MAGI1: variants seen among roughly 807,000 people sequenced by gnomAD.
MAGI1 encodes the protein membrane-associated guanylate kinase, WW and PDZ domain-containing protein 1.
In MAGI1, 58 loss-of-function variants were observed where a neutral mutation model predicts 139.9. The observed-to-expected ratio is 0.41, with a 90% CI of 0.34 to 0.52. MAGI1 has a LOEUF of 0.52. Ranked by LOEUF, MAGI1 falls within the 20% of genes least tolerant of loss-of-function variation. The probability of loss-of-function intolerance (pLI) is 0.12; values close to 1 mark genes in which losing one functional copy is unlikely to be tolerated. For synonymous variants in MAGI1, 812 were observed against 737.9 expected, an observed-to-expected ratio of 1.10 and a Z score of -1.63; for missense variants, 1,874 against 1,901.6, an observed-to-expected ratio of 0.99 and a Z score of 0.27.
intron 2 of MAGI1, among the ~76,000 whole-genome samples, chr3:65,525,406 AACTG>A (rs2078336911): frequency 6.6e-6 from 1 of 152,226 alleles, no homozygotes; most frequent in Non-Finnish European, 1.5e-5. Flanking sequence ...GCAGAGAAAC[AACTG>A]ACTAACCTTT....
intron 1 of MAGI1, among the ~76,000 whole-genome samples, chr3:65,712,794 A>G (rs1191502672): frequency 1.3e-5 from 2 of 152,266 alleles, no homozygotes; most frequent in African/African-American, 2.4e-5. Flanking sequence ...TCAAGTCACT[A>G]TGTTTTGGGG....
At position 65,454,555 on chromosome 3, in the gene MAGI1, T is replaced by TAAA. The variant is rs1206097405; in HGVS notation, c.960-1218_960-1216dup. 4.1e-3 allele frequency among the ~76,000 whole-genome samples: 557 copies of TAAA among 135,630 alleles called. 2 individuals are homozygous for TAAA. The highest frequency in any genetic ancestry group is 0.014 in the African/African-American group (521 of 36,592). The allele number at this position is 135,630 out of a possible 152,430, so 89.0% of individuals were successfully genotyped here. On this transcript the variant is annotated intron_variant, in intron 5 of 22. Coordinates refer to ENST00000402939, the MANE Select transcript of MAGI1 (RefSeq NM_001033057.2). ...ATAATAATAATAATAATAATAATAA[T>TAAA]AAAAAAATACTTGTTTTACAAAAAA...
At chr3:65,677,317 G>A (rs962410305) in intron 1 of MAGI1, among the ~76,000 whole-genome samples, 1 of 152,144 alleles carries the variant, frequency 6.6e-6, no homozygotes, top group Non-Finnish European at 1.5e-5. Flanking sequence ...GTCAAGGCAG[G>A]GGTATAGAGC....
At chr3:65,711,187 G>T (rs563009370) in intron 1 of MAGI1, among the ~76,000 whole-genome samples, 1 of 152,154 alleles carries the variant, frequency 6.6e-6, no homozygotes, top group Non-Finnish European at 1.5e-5. Context: ...GAGAATAAAA[G>T]TTTCTGCCTT....
intron 1 of MAGI1, among the ~76,000 whole-genome samples, chr3:65,859,195 T>G (rs1311596624): frequency 6.6e-6 from 1 of 151,940 alleles, no homozygotes; most frequent in Non-Finnish European, 1.5e-5. Flanking sequence ...TAGCTGGGCA[T>G]GGTGGCGCAT....
chr3:65,556,098 C>T (rs767447856), intron 2 of MAGI1, among the ~76,000 whole-genome samples: 21 of 152,016 alleles, frequency 1.4e-4, no homozygotes, highest in African/African-American at 2.9e-4. Flanking sequence ...GTGGAAGTAG[C>T]GGAACAGAGA....
intron 4 of MAGI1, 55 bp from the exon 5 acceptor site, chr3:65,470,539 T>C: frequency 8.8e-7 from 1 of 1,136,068 alleles, no homozygotes; most frequent in Non-Finnish European, 1.3e-6. Flanking sequence ...AAAAAAATGG[T>C]ATTCAGCAAT....
intron 1 of MAGI1, among the ~76,000 whole-genome samples, chr3:66,006,345 G>A (rs550089644): frequency 6.6e-6 from 1 of 152,130 alleles, no homozygotes; most frequent in Non-Finnish European, 1.5e-5. Context: ...ACAGAAAGTT[G>A]CCCAGCATTT....
chr3:65,995,761 T>C (rs1161921106), intron 1 of MAGI1, among the ~76,000 whole-genome samples: 1 of 152,212 alleles, frequency 6.6e-6, no homozygotes, highest in East Asian at 1.9e-4. Flanking sequence ...AGTGCATTCA[T>C]TTCTATCCTC....
intron 1 of MAGI1, among the ~76,000 whole-genome samples, chr3:65,813,303 T>C (rs2041398523): frequency 6.6e-6 from 1 of 152,100 alleles, no homozygotes; most frequent in South Asian, 2.1e-4. Context: ...CTTTTATTGT[T>C]CACTCCTCAA....
At chr3:65,701,113 A>G (rs1007575378) in intron 1 of MAGI1, among the ~76,000 whole-genome samples, 1 of 152,240 alleles carries the variant, frequency 6.6e-6, no homozygotes, top group Non-Finnish European at 1.5e-5. Flanking sequence ...CTGGCCTTGC[A>G]CTAAGTGTTA....
chr3:65,641,508 G>A (rs977523903), intron 1 of MAGI1, among the ~76,000 whole-genome samples: 3 of 152,094 alleles, frequency 2.0e-5, no homozygotes, highest in Admixed American at 2.0e-4. Context: ...GTGAATTCAC[G>A]GTAGATTCAC....
At chr3:65,843,426 T>C (rs188891484) in intron 1 of MAGI1, among the ~76,000 whole-genome samples, 85 of 152,334 alleles carry the variant, frequency 5.6e-4, no homozygotes, top group African/African-American at 2.0e-3. Flanking sequence ...CAAGTTAAGC[T>C]GTGTTCAGTT....
intron 2 of MAGI1, among the ~76,000 whole-genome samples, chr3:65,573,983 T>C (rs75050724): frequency 0.019 from 2,938 of 151,996 alleles, 87 homozygotes; most frequent in African/African-American, 0.068. Context: ...CACACAAGCT[T>C]AAATTATTTA....
At chr3:65,865,710 G>C (rs1408566044) in intron 1 of MAGI1, among the ~76,000 whole-genome samples, 1 of 152,118 alleles carries the variant, frequency 6.6e-6, no homozygotes, top group Non-Finnish European at 1.5e-5. Flanking sequence ...GCGCAATCTC[G>C]GCTCACTGCA....
intron 1 of MAGI1, among the ~76,000 whole-genome samples, chr3:65,749,080 G>C (rs1056176456): frequency 1.3e-5 from 2 of 152,084 alleles, no homozygotes; most frequent in African/African-American, 4.8e-5. Context: ...AGGAATAAGA[G>C]GAACACAGCA....
In MAGI1 at chr3:66,032,511, C is replaced by T. The variant is rs539394937; in HGVS notation, c.313+5485G>A. 2.5e-3 allele frequency among the ~76,000 whole-genome samples: 375 copies of T among 151,574 alleles called. 3 individuals carry two copies. Among genetic ancestry groups the T allele is most frequent in the Admixed American group, 4.8e-3 (73 of 15,224 alleles). On this transcript the variant is annotated intron_variant, in intron 1 of 22. Transcript: ENST00000402939. ...CTGGGATTACAGGCATGAGCCACCA[C>T]GCCTGGCCCTGCTGGGTCTTTTTTA...
At chr3:66,037,885 A>T in intron 1 of MAGI1, 111 bp downstream of exon 1, 1 of 1,495,430 alleles carries the variant, frequency 6.7e-7, no homozygotes, top group Non-Finnish European at 8.9e-7. Context: ...CACGGCCTCA[A>T]CTTCTCTTCA....
intron 2 of MAGI1, among the ~76,000 whole-genome samples, chr3:65,563,301 CA>C (rs1316146934): frequency 1.3e-5 from 2 of 152,112 alleles, no homozygotes; most frequent in African/African-American, 4.8e-5. Context: ...GCTTGCAACT[CA>C]CAGTGGGAAC....
Sources: gnomAD v4.1 joint callset for allele counts (sites outside exome capture counted in the v4.1 genomes callset) on GRCh38, gnomAD v4.1.1 for gene constraint, MANE v1.5 for transcripts, NCBI Gene and HGNC (gene_info 2026-07-23, HGNC 2026-07-21) for gene names.